The following ARHGEF12 variants were observed in gnomAD, a reference collection of about 807,000 sequenced individuals.
The protein encoded by ARHGEF12 is KMT2A/ARHGEF12 fusion protein.
ARHGEF12 carries 66 observed loss-of-function variants against 211.2 expected under a neutral mutation model. The observed-to-expected ratio is 0.31, with a 90% CI of 0.26 to 0.38. The LOEUF (loss-of-function observed/expected upper bound fraction) is 0.38. Among genes scored for constraint, ARHGEF12 ranks in the 10% least tolerant of loss-of-function variants. The probability of loss-of-function intolerance (pLI) is 1.00; values close to 1 mark genes in which losing one functional copy is unlikely to be tolerated. For missense variants in ARHGEF12, 1,429 were observed against 1,869.5 expected (o/e 0.76, Z 4.34); for synonymous variants, 592 against 638.4 (o/e 0.93, Z 1.09).
At position 120,442,412 on chromosome 11, in the gene ARHGEF12, T is replaced by TTATA. The variant is rs753610695; in HGVS notation, c.1302+223_1302+226dup. Among the ~76,000 whole-genome samples the TTATA allele has an allele frequency of 1.4e-3, 198 of 145,150 alleles. 1 individual carries two copies. Among genetic ancestry groups the TTATA allele is most frequent in the African/African-American group, 3.4e-3 (135 of 39,208 alleles). On this transcript the variant is annotated intron_variant, in intron 15 of 40. Coordinates refer to ENST00000397843, the MANE Select transcript of ARHGEF12 (RefSeq NM_015313.3). Reference sequence around the variant, plus strand: ...AATTCTCACAGTAGGTTTTAGGGGATTATATATATATATATACACACACAC... The same window carrying TTATA: ...AATTCTCACAGTAGGTTTTAGGGGATTATATATATATATATATATACACACACAC...
rs763037734 is a variant in ARHGEF12, at chr11:120,440,148, G to A, written c.1019G>A (p.Gly340Glu). The change falls in exon 13 of 41, where the codon GGA becomes GAA. Residue 340 changes from glycine to glutamate, a missense_variant. Gly to Glu is a moderately conservative substitution (Grantham distance 98). Transcript: ENST00000397843. ...IQDTDTQSLV[G>E]SPSTRIAPHI... ...TGCCAGGACACTCAATCACTTGTCG[G>A]AAGTCCCTCAACCCGTATAGCACCT... The A allele has an allele frequency of 1.2e-6, 2 of 1,612,946 alleles. No individual in the cohort carries two copies.
rs1419676349 is a variant in ARHGEF12, at chr11:120,488,811, A to T, written c.*3734A>T. 9.6e-6 allele frequency: 2 copies of T among 208,982 alleles called. No homozygotes were observed. The highest frequency in any genetic ancestry group is 7.3e-5 in the East Asian group (1 of 13,716). The allele number at this position is 208,982 out of a possible 1,614,324, so 12.9% of individuals were successfully genotyped here. ...CTGGAACTATCTTTAAAAAAACTTT[A>T]TTAATAATCATGTATTTTTACTGAT... On this transcript the variant is annotated 3_prime_UTR_variant, in exon 41 of 41. Transcript: ENST00000397843.
intron 1 of ARHGEF12, chr11:120,385,512 T>C (rs915209681): frequency 3.0e-6 from 3 of 985,136 alleles, no homozygotes; most frequent in Non-Finnish European, 3.6e-6. Context: ...CTTTGTTTTC[T>C]GGGTCGTGTA....
At chr11:120,471,268 C>T (rs1453668883) in intron 30 of ARHGEF12, among the ~76,000 whole-genome samples, 4 of 151,996 alleles carry the variant, frequency 2.6e-5, no homozygotes, top group Non-Finnish European at 1.5e-5. Flanking sequence ...AATAGAATGC[C>T]CTGAGTGATA....
intron 21 of ARHGEF12, 140 bp from the exon 22 acceptor site, chr11:120,451,372 T>G: frequency 1.5e-6 from 1 of 673,152 alleles, no homozygotes. Flanking sequence ...AGAGACGGGG[T>G]TTCACCATAT....
At chr11:120,359,632 G>A (rs534476867) in intron 1 of ARHGEF12, among the ~76,000 whole-genome samples, 1 of 152,314 alleles carries the variant, frequency 6.6e-6, no homozygotes, top group East Asian at 1.9e-4. Context: ...GTATAGGAAT[G>A]AGTTCTTAGC....
At chr11:120,442,064 G>T (rs767115245) in intron 14 of ARHGEF12, 40 bp from the exon 15 acceptor site, 1 of 1,429,712 alleles carries the variant, frequency 7.0e-7, no homozygotes, top group Admixed American at 2.0e-5. Flanking sequence ...ATTTTTCATG[G>T]TTCCTCATTT....
At chr11:120,416,169 G>T (rs1472061830) in intron 4 of ARHGEF12, among the ~76,000 whole-genome samples, 1 of 152,168 alleles carries the variant, frequency 6.6e-6, no homozygotes, top group African/African-American at 2.4e-5. Context: ...AATTGACTGT[G>T]CATGGTGCTG....
At chr11:120,354,976 A>G (rs1474489371) in intron 1 of ARHGEF12, among the ~76,000 whole-genome samples, 4 of 152,188 alleles carry the variant, frequency 2.6e-5, no homozygotes, top group Non-Finnish European at 5.9e-5. Context: ...TTAGTTTTGC[A>G]TAAATATTTA....
Position 120,464,579 on chromosome 11 carries a change from G to GA in ARHGEF12, c.2614-645dup, listed in dbSNP as rs935806217. The GA allele has an allele frequency of 5.1e-3, 696 of 137,292 alleles. 1 individual carries two copies. The highest frequency in any genetic ancestry group is 0.014 in the African/African-American group (524 of 37,550). The allele number at this position is 137,292 out of a possible 1,614,324, so 8.5% of individuals were successfully genotyped here. A position where few individuals can be genotyped will look rare whatever the true frequency, so the allele number is the denominator to read the frequency against. On this transcript the variant is annotated intron_variant, in intron 27 of 40. Transcript: ENST00000397843. ...CCTGGGCCACAGAATGAGACTGTCTGAAAAAAAAAAAAATGAAAATTTAGT... is the reference window on the plus strand; with the variant it reads ...CCTGGGCCACAGAATGAGACTGTCTGAAAAAAAAAAAAAATGAAAATTTAGT...
intron 23 of ARHGEF12, 77 bp downstream of exon 23, chr11:120,457,327 A>G (rs755193546): frequency 5.2e-6 from 8 of 1,528,836 alleles, no homozygotes; most frequent in Non-Finnish European, 6.2e-6. Flanking sequence ...TATACTTAGT[A>G]GCATTCTAGC....
chr11:120,344,474 G>A (rs1942641618), intron 1 of ARHGEF12, among the ~76,000 whole-genome samples: 1 of 151,986 alleles, frequency 6.6e-6, no homozygotes, highest in African/African-American at 2.4e-5. Context: ...ATCTGCCTAT[G>A]TTCCAGACAC....
intron 1 of ARHGEF12, among the ~76,000 whole-genome samples, chr11:120,390,426 A>G (rs916720590): frequency 1.3e-5 from 2 of 152,128 alleles, no homozygotes; most frequent in East Asian, 3.8e-4. Context: ...TGAAGGAATG[A>G]GTGGTTTGCA....
intron 20 of ARHGEF12, 28 bp downstream of exon 20, chr11:120,448,376 T>C: frequency 6.4e-7 from 1 of 1,568,248 alleles, no homozygotes; most frequent in Non-Finnish European, 8.8e-7. Context: ...TAATAGCATG[T>C]TCAGGCCTTA....
intron 4 of ARHGEF12, chr11:120,411,675 A>G (rs1441515723): frequency 7.2e-6 from 1 of 138,490 alleles, no homozygotes; most frequent in African/African-American, 2.7e-5. Flanking sequence ...CTGCAGCCTC[A>G]ACCTCCTGGG....
Position 120,369,369 on chromosome 11 carries a change from T to C in ARHGEF12, c.32+32094T>C, listed in dbSNP as rs78435003. On this transcript the variant is annotated intron_variant, in intron 1 of 40. Transcript: ENST00000397843. ...GTCTTGAACTCCTGACCTCAAGTAA[T>C]CTGCCTGCCTTGGCCTCCCAAAGTG... is the stretch of plus-strand genomic sequence containing the variant. Among the ~76,000 whole-genome samples the C allele has an allele frequency of 8.4e-3, 1,283 of 152,306 alleles. 83 individuals carry two copies. In the South Asian group the frequency reaches 0.16, roughly 19 times the overall value.
chr11:120,362,466 A>C (rs1014265273), intron 1 of ARHGEF12, among the ~76,000 whole-genome samples: 1 of 152,206 alleles, frequency 6.6e-6, no homozygotes, highest in African/African-American at 2.4e-5. Flanking sequence ...TGAATTGTAT[A>C]ATCTCAACCC....
At chr11:120,461,620 T>C (rs1946534810) in intron 27 of ARHGEF12, among the ~76,000 whole-genome samples, 1 of 152,204 alleles carries the variant, frequency 6.6e-6, no homozygotes, top group African/African-American at 2.4e-5. Context: ...GACATTGATT[T>C]CTCCTCTCTA....
At chr11:120,363,704 AC>A (rs544779466) in intron 1 of ARHGEF12, among the ~76,000 whole-genome samples, 1 of 152,128 alleles carries the variant, frequency 6.6e-6, no homozygotes, top group Non-Finnish European at 1.5e-5. Flanking sequence ...GCCTTTGTCT[AC>A]CTTCTCCAGC....
Sources: gnomAD v4.1 joint callset for allele counts (sites outside exome capture counted in the v4.1 genomes callset) on GRCh38, gnomAD v4.1.1 for gene constraint, MANE v1.5 for transcripts, NCBI Gene and HGNC (gene_info 2026-07-23, HGNC 2026-07-21) for gene names.